The following ATXN7L1 variants were observed in gnomAD, a reference collection of about 807,000 sequenced individuals.
The protein encoded by ATXN7L1 is ataxin-7-like protein 1.
In ATXN7L1, 15 loss-of-function variants were observed where a neutral mutation model predicts 70.8. That is an observed-to-expected ratio of 0.21 (90% CI 0.14 to 0.33). The LOEUF is 0.33. Ranked by LOEUF, ATXN7L1 falls within the 10% of genes least tolerant of loss-of-function variation. ATXN7L1 has a pLI of 1.00. For synonymous variants in ATXN7L1, 440 were observed against 445.1 expected, an observed-to-expected ratio of 0.99 and a Z score of 0.14; for missense variants, 975 against 1,097.1, an observed-to-expected ratio of 0.89 and a Z score of 1.57.
chr7:105,802,820 C>T (rs1807021358), intron 2 of ATXN7L1, among the ~76,000 whole-genome samples: 1 of 152,146 alleles, frequency 6.6e-6, no homozygotes, highest in Non-Finnish European at 1.5e-5. Flanking sequence ...CTTTCCCCTC[C>T]CTGGGCTGCC....
Position 105,733,604 on chromosome 7 carries a change from A to AT in ATXN7L1, c.355+54999_355+55000insA, listed in dbSNP as rs1277381606. On this transcript the variant is annotated intron_variant, in intron 3 of 11. Coordinates refer to ENST00000419735, the MANE Select transcript of ATXN7L1 (RefSeq NM_020725.2). ...CACCCATCCATCCATCCATCCATCC[A>AT]CCCATCCATCCATCCATCCATCCAT... Among the ~76,000 whole-genome samples the AT allele has an allele frequency of 1.3e-3, 156 of 122,724 alleles. 18 individuals carry two copies. Among genetic ancestry groups the AT allele is most frequent in the African/African-American group, 2.7e-3 (83 of 30,798 alleles). 80.5% of individuals were successfully genotyped at this position (122,724 alleles called of 152,430 possible).
At chr7:105,793,993 T>TATCC (rs1176835534) in intron 2 of ATXN7L1, among the ~76,000 whole-genome samples, 1 of 65,444 alleles carries the variant, frequency 1.5e-5, no homozygotes, top group Non-Finnish European at 2.8e-5. Flanking sequence ...TCCATCCACC[T>TATCC]ATCCATCCAC....
intron 3 of ATXN7L1, among the ~76,000 whole-genome samples, chr7:105,685,417 CTATAGATG>C (rs1421269724): frequency 6.6e-6 from 1 of 152,176 alleles, no homozygotes; most frequent in African/African-American, 2.4e-5. Context: ...AAGGAGGAAC[CTATAGATG>C]TACTCAGGCT....
chr7:105,729,532 C>T (rs1411976087), intron 3 of ATXN7L1, among the ~76,000 whole-genome samples: 1 of 150,662 alleles, frequency 6.6e-6, no homozygotes, highest in Non-Finnish European at 1.5e-5. Flanking sequence ...TGGGTTCAAG[C>T]GATTCTCCTG....
intron 2 of ATXN7L1, among the ~76,000 whole-genome samples, chr7:105,825,902 T>C (rs1219825038): frequency 6.6e-6 from 1 of 152,098 alleles, no homozygotes; most frequent in Non-Finnish European, 1.5e-5. Context: ...TGTAACCACA[T>C]ACCTTCACTG....
chr7:105,681,476 T>C (rs11974376), intron 3 of ATXN7L1, among the ~76,000 whole-genome samples: 1 of 152,134 alleles, frequency 6.6e-6, no homozygotes, highest in Non-Finnish European at 1.5e-5. Flanking sequence ...GTACAGCCAC[T>C]ATGAAGAAGA....
rs1458760406 is a variant in ATXN7L1, at chr7:105,611,346, C to T, written c.2473-743G>A. 2.6e-5 allele frequency among the ~76,000 whole-genome samples: 4 copies of T among 152,198 alleles called. No homozygotes were observed. In the East Asian group the frequency reaches 7.7e-4, roughly 29 times the overall value. ...ACCGCTCCTCTTCTCCATTAACTTG[C>T]CTTTATGTAAAGATGTTTGCCTTAC... On this transcript the variant is annotated intron_variant, in intron 10 of 11. Transcript: ENST00000419735.
chr7:105,613,164 G>C (rs1793316192), intron 10 of ATXN7L1, among the ~76,000 whole-genome samples: 1 of 152,226 alleles, frequency 6.6e-6, no homozygotes, highest in Non-Finnish European at 1.5e-5. Flanking sequence ...CAGAGCTCAA[G>C]GGAAAGAAAC....
In ATXN7L1 at chr7:105,642,829, G is replaced by A; in HGVS notation, c.862+9C>T. On this transcript the variant is annotated intron_variant, in intron 5 of 11. Coordinates refer to ENST00000419735, the MANE Select transcript of ATXN7L1 (RefSeq NM_020725.2). ...TCATGAGTCAGACCCTGACGACACT[G>A]ACACATACCTGAAAGTCTCCTGTAA... 1 of 1,549,160 alleles carries A rather than the reference G, an allele frequency of 6.5e-7. No homozygotes were observed. The highest frequency in any genetic ancestry group is 8.7e-7 in the Non-Finnish European group (1 of 1,145,432).
At chr7:105,643,513 G>A (rs545906919) in intron 4 of ATXN7L1, among the ~76,000 whole-genome samples, 73 of 152,240 alleles carry the variant, frequency 4.8e-4, no homozygotes, top group Non-Finnish European at 5.9e-4. Context: ...ATGTGCCACT[G>A]CTGAATCACG....
intron 2 of ATXN7L1, among the ~76,000 whole-genome samples, chr7:105,834,248 C>T (rs1324741402): frequency 1.3e-5 from 2 of 151,988 alleles, no homozygotes; most frequent in Non-Finnish European, 2.9e-5. Flanking sequence ...CACCATGTTG[C>T]CCAGGCTGGT....
intron 3 of ATXN7L1, among the ~76,000 whole-genome samples, chr7:105,727,746 G>GTGTA (rs1333693053): frequency 1.6e-3 from 86 of 55,344 alleles, no homozygotes; most frequent in East Asian, 3.7e-3. Context: ...GTGTATGTGT[G>GTGTA]TATATATATA....
At chr7:105,834,615 T>C (rs1812094938) in intron 2 of ATXN7L1, among the ~76,000 whole-genome samples, 1 of 152,084 alleles carries the variant, frequency 6.6e-6, no homozygotes, top group African/African-American at 2.4e-5. Flanking sequence ...TGCTGAAGGG[T>C]GCTATTCTGA....
intron 7 of ATXN7L1, among the ~76,000 whole-genome samples, chr7:105,631,871 G>A (rs1258294678): frequency 2.0e-5 from 3 of 152,384 alleles, no homozygotes; most frequent in African/African-American, 7.2e-5. Context: ...CAGAGTAGGA[G>A]TGAGGCACAG....
intron 3 of ATXN7L1, among the ~76,000 whole-genome samples, chr7:105,776,498 C>G (rs1584977783): frequency 6.6e-6 from 1 of 151,806 alleles, no homozygotes; most frequent in Admixed American, 6.6e-5. Flanking sequence ...AAACAACCCC[C>G]CCCCCAAAAC....
intron 7 of ATXN7L1, among the ~76,000 whole-genome samples, chr7:105,637,509 C>T (rs966066239): frequency 5.3e-5 from 8 of 152,062 alleles, no homozygotes; most frequent in East Asian, 3.9e-4. Context: ...TCCTGAAAAG[C>T]GGGGTCTAGC....
At chr7:105,776,225 G>C (rs894878489) in intron 3 of ATXN7L1, among the ~76,000 whole-genome samples, 1 of 152,184 alleles carries the variant, frequency 6.6e-6, no homozygotes, top group East Asian at 1.9e-4. Context: ...CAGGGGTCAC[G>C]TTACAGCGAG....
Position 105,780,858 on chromosome 7 carries a change from C to T in ATXN7L1, c.355+7746G>A, listed in dbSNP as rs530452. 9.0e-3 allele frequency among the ~76,000 whole-genome samples: 1,364 copies of T among 152,188 alleles called. 25 individuals carry two copies. Among genetic ancestry groups the T allele is most frequent in the African/African-American group, 0.029 (1,217 of 41,514 alleles). On this transcript the variant is annotated intron_variant, in intron 3 of 11. Transcript: ENST00000419735. ...GCTGAAGGAGTCAACTTTCTACATG[C>T]GGCTGTGATTCCACAGAAGTCATTT...
At chr7:105,691,970 T>A (rs1435529377) in intron 3 of ATXN7L1, among the ~76,000 whole-genome samples, 1 of 152,218 alleles carries the variant, frequency 6.6e-6, no homozygotes, top group Non-Finnish European at 1.5e-5. Flanking sequence ...ACCGGCTGCC[T>A]CGTGCGGGTG....
Sources: allele counts gnomAD v4.1 joint callset (sites outside exome capture counted in the v4.1 genomes callset), GRCh38; gene constraint gnomAD v4.1.1; transcripts MANE v1.5; gene names NCBI Gene and HGNC (gene_info 2026-07-23, HGNC 2026-07-21).